CCSER1: variants seen among roughly 807,000 people sequenced by gnomAD.
The protein encoded by CCSER1 is serine-rich coiled-coil domain-containing protein 1.
Under a neutral mutation model 82.0 loss-of-function variants are expected in CCSER1, and 41 were observed. The observed-to-expected ratio is 0.50, with a 90% confidence interval of 0.39 to 0.65. The LOEUF (loss-of-function observed/expected upper bound fraction) is 0.65, where lower values mean the gene tolerates loss of function less well. Among genes scored for constraint, CCSER1 ranks in the 30% least tolerant of loss-of-function variants. The probability of loss-of-function intolerance (pLI) is 0.00; values close to 1 mark genes in which losing one functional copy is unlikely to be tolerated. For synonymous variants in CCSER1, 414 were observed against 383.9 expected (o/e 1.08, Z -0.92); for missense variants, 1,119 against 1,064.2 (o/e 1.05, Z -0.72).
chr4:90,313,098 G>A (rs766650179), intron 3 of CCSER1, 51 bp downstream of exon 3: 21 of 1,393,130 alleles, frequency 1.5e-5, no homozygotes, highest in Middle Eastern at 1.8e-4. Context: ...GTCTATATCC[G>A]ACATGTTCAT....
intron 10 of CCSER1, among the ~76,000 whole-genome samples, chr4:91,392,389 A>ACACACACACACT (rs1211760108): frequency 5.9e-5 from 9 of 151,788 alleles, no homozygotes; most frequent in South Asian, 4.2e-4. Flanking sequence ...ACACACACAC[A>ACACACACACACT]CTTACACATT....
intron 6 of CCSER1, among the ~76,000 whole-genome samples, chr4:90,642,796 A>G (rs1726776870): frequency 1.3e-5 from 2 of 152,144 alleles, no homozygotes; most frequent in Non-Finnish European, 2.9e-5. Context: ...TTGAGGCTGC[A>G]ATAAGGTGTG....
chr4:90,880,158 T>C (rs959082645), intron 8 of CCSER1, among the ~76,000 whole-genome samples: 1 of 152,156 alleles, frequency 6.6e-6, no homozygotes, highest in African/African-American at 2.4e-5. Context: ...TCCTCTCCCA[T>C]TGAGTGCTGG....
chr4:91,389,861 T>G (rs1432323927), intron 10 of CCSER1, among the ~76,000 whole-genome samples: 1 of 152,058 alleles, frequency 6.6e-6, no homozygotes, highest in South Asian at 2.1e-4. Context: ...TATGTGGTTT[T>G]AATTTCAAAT....
intron 8 of CCSER1, among the ~76,000 whole-genome samples, chr4:90,906,101 G>T (rs1170071647): frequency 2.0e-5 from 3 of 152,122 alleles, no homozygotes; most frequent in Non-Finnish European, 4.4e-5. Context: ...CTATTTGAAA[G>T]ATGAATAAAC....
chr4:90,637,475 C>G (rs1032309938), intron 6 of CCSER1, among the ~76,000 whole-genome samples: 14 of 151,972 alleles, frequency 9.2e-5, no homozygotes, highest in African/African-American at 3.4e-4. Context: ...GTATGAATAC[C>G]AGGAGGTAGG....
intron 1 of CCSER1, among the ~76,000 whole-genome samples, chr4:90,134,125 T>G (rs1723262513): frequency 6.6e-6 from 1 of 152,306 alleles, no homozygotes; most frequent in East Asian, 1.9e-4. Flanking sequence ...CATTCTAACA[T>G]TGTAAAGTTA....
chr4:90,838,760 G>C (rs1762149064), intron 8 of CCSER1: 1 of 1,155,468 alleles, frequency 8.7e-7, no homozygotes, highest in Admixed American at 1.9e-5. Flanking sequence ...GTTGTCAGTA[G>C]TTCTTTGATG....
intron 3 of CCSER1, among the ~76,000 whole-genome samples, chr4:90,395,936 C>G (rs1391810798): frequency 6.7e-6 from 1 of 149,770 alleles, no homozygotes; most frequent in Non-Finnish European, 1.5e-5. Context: ...AAAAAAGTAG[C>G]TGGGTGTGGT....
chr4:91,512,125 T>C (rs1759860026), intron 10 of CCSER1, among the ~76,000 whole-genome samples: 1 of 152,204 alleles, frequency 6.6e-6, no homozygotes, highest in Admixed American at 6.5e-5. Flanking sequence ...TGGTTGATAC[T>C]GTCAACTTGA....
At chr4:90,424,940 C>T (rs956567411) in intron 4 of CCSER1, among the ~76,000 whole-genome samples, 7 of 152,294 alleles carry the variant, frequency 4.6e-5, no homozygotes, top group Middle Eastern at 3.4e-3. Context: ...CTAGTTTTAA[C>T]GGATTCTACT....
chr4:90,193,215 C>G (rs1219085631), intron 1 of CCSER1, among the ~76,000 whole-genome samples: 1 of 152,090 alleles, frequency 6.6e-6, no homozygotes, highest in Admixed American at 6.6e-5. Flanking sequence ...AGAGACCCAG[C>G]TTCTTTTAGC....
intron 10 of CCSER1, among the ~76,000 whole-genome samples, chr4:91,391,816 G>T (rs1054465073): frequency 6.6e-6 from 1 of 152,020 alleles, no homozygotes; most frequent in Admixed American, 6.6e-5. Context: ...TGTGTAATCT[G>T]CTATGTTGGC....
chr4:90,884,160 T>C (rs1438705621), intron 8 of CCSER1, among the ~76,000 whole-genome samples: 2 of 152,148 alleles, frequency 1.3e-5, no homozygotes, highest in Non-Finnish European at 2.9e-5. Context: ...GAGAGGTCAC[T>C]ACAATGAATT....
At chr4:90,419,211 TTGTG>T (rs1330254159) in intron 4 of CCSER1, among the ~76,000 whole-genome samples, 1 of 151,982 alleles carries the variant, frequency 6.6e-6, no homozygotes, top group Non-Finnish European at 1.5e-5. Context: ...AGTTGTCACT[TTGTG>T]TGTTTCATCA....
At chr4:90,609,420 G>T (rs1785159410) in intron 5 of CCSER1, among the ~76,000 whole-genome samples, 1 of 152,228 alleles carries the variant, frequency 6.6e-6, no homozygotes, top group South Asian at 2.1e-4. Flanking sequence ...GTCAGAAAAA[G>T]ATTATACCAG....
intron 1 of CCSER1, among the ~76,000 whole-genome samples, chr4:90,170,273 T>G (rs780809926): frequency 2.6e-5 from 4 of 152,052 alleles, no homozygotes; most frequent in Non-Finnish European, 4.4e-5. Flanking sequence ...GAAATGGTAC[T>G]TGGGCATCCA....
At chr4:91,080,953 T>C (rs1036714327) in intron 9 of CCSER1, among the ~76,000 whole-genome samples, 4 of 152,242 alleles carry the variant, frequency 2.6e-5, no homozygotes, top group Middle Eastern at 3.4e-3. Context: ...ACCAGACGGA[T>C]TCACAGCCAA....
At chr4:90,402,220 A>C (rs965881904) in intron 4 of CCSER1, among the ~76,000 whole-genome samples, 4 of 152,166 alleles carry the variant, frequency 2.6e-5, no homozygotes, top group African/African-American at 9.7e-5. Context: ...AAATAGGAGG[A>C]GTTGGAGTTG....
Sources: gnomAD v4.1 joint callset for allele counts (sites outside exome capture counted in the v4.1 genomes callset) on GRCh38, gnomAD v4.1.1 for gene constraint, MANE v1.5 for transcripts, NCBI Gene and HGNC (gene_info 2026-07-23, HGNC 2026-07-21) for gene names.